HBP1: variants seen among roughly 807,000 people sequenced by gnomAD.
The protein encoded by HBP1 is HMG box-containing protein 1.
In HBP1, 20 loss-of-function variants were observed where a neutral mutation model predicts 62.6. That is an observed-to-expected ratio of 0.32 (90% CI 0.22 to 0.46). HBP1 has a LOEUF of 0.46. Ranked by LOEUF, HBP1 falls within the 20% of genes least tolerant of loss-of-function variation. The pLI is 1.00. For missense variants in HBP1, 480 were observed against 611.8 expected (o/e 0.78, Z 2.27); for synonymous variants, 232 against 206.2 (o/e 1.12, Z -1.07).
At chr7:107,171,862 A>G (rs1796616548) in intron 1 of HBP1, among the ~76,000 whole-genome samples, 1 of 148,022 alleles carries the variant, frequency 6.8e-6, no homozygotes, top group Admixed American at 6.8e-5. Context: ...TTCCTCTCCA[A>G]AAAAAAAAAA....
intron 8 of HBP1, among the ~76,000 whole-genome samples, chr7:107,193,671 A>G (rs1797757079): frequency 6.6e-6 from 1 of 152,184 alleles, no homozygotes; most frequent in Non-Finnish European, 1.5e-5. Context: ...TGAGTTAAGA[A>G]TGGCCATACC....
chr7:107,185,563 G>A (rs747918149), intron 3 of HBP1, among the ~76,000 whole-genome samples: 6 of 152,154 alleles, frequency 3.9e-5, no homozygotes, highest in Non-Finnish European at 7.4e-5. Context: ...AACCATAGTC[G>A]TAGTTTAAAA....
rs770429423 is a variant in HBP1 at position 107,180,031 on chromosome 7, A to C, written c.138A>C (p.Gly46=). 1.9e-6 allele frequency: 3 copies of C among 1,601,190 alleles called. No homozygotes were observed. Among genetic ancestry groups the C allele is most frequent in the African/African-American group, 2.7e-5 (2 of 74,748 alleles). ...QCNENLPSSP[G]YNSCDEHMEL... ...ATGAGAATTTGCCATCTTCACCTGGATATAACTCCTGTGATGAACACATGG... is the reference window on the plus strand; with the variant it reads ...ATGAGAATTTGCCATCTTCACCTGGCTATAACTCCTGTGATGAACACATGG... Residue 46 remains glycine (G), a synonymous_variant, in exon 2 of 11, where the codon GGA becomes GGC. Transcript: ENST00000222574.
chr7:107,182,408 C>G lies in HBP1; in HGVS notation c.205C>G (p.Pro69Ala). 1.2e-6 allele frequency: 2 copies of G among 1,612,898 alleles called. No homozygotes were observed. Among genetic ancestry groups the G allele is most frequent in the South Asian group, 2.2e-5 (2 of 91,050 alleles). The change falls in exon 3 of 11, where the codon CCT becomes GCT. Residue 69 changes from proline (P) to alanine (A), a missense_variant. This residue lies in a region of HBP1 where 304 missense variants were observed against 330.9 expected (regional missense o/e 0.92). Coordinates refer to ENST00000222574, the MANE Select transcript of HBP1 (RefSeq NM_012257.4). ...LPELQAVQSD[P>A]TQSGMYQLSS... ...TGAACTTCAGGCAGTTCAAAGTGAT[C>G]CTACCCAATCTGGCATGTACCAGCT...
intron 9 of HBP1, among the ~76,000 whole-genome samples, chr7:107,198,251 C>T (rs1175414624): frequency 6.6e-6 from 1 of 151,866 alleles, no homozygotes; most frequent in Non-Finnish European, 1.5e-5. Context: ...CTCTGTCACG[C>T]AGGCTGTAGT....
At chr7:107,195,787 G>T (rs1277662676) in intron 8 of HBP1, 47 bp from the exon 9 acceptor site, 65 of 794,468 alleles carry the variant, frequency 8.2e-5, no homozygotes, top group Non-Finnish European at 1.1e-4. Context: ...AGAAATCAGA[G>T]AATTCAAAAT....
chr7:107,190,977 G>C (rs1562896662), intron 8 of HBP1, among the ~76,000 whole-genome samples: 1 of 152,136 alleles, frequency 6.6e-6, no homozygotes, highest in Non-Finnish European at 1.5e-5. Flanking sequence ...AAACCCCTCA[G>C]TCCTAGACAA....
At chr7:107,192,379 A>G (rs1365408704) in intron 8 of HBP1, among the ~76,000 whole-genome samples, 1 of 152,072 alleles carries the variant, frequency 6.6e-6, no homozygotes, top group Non-Finnish European at 1.5e-5. Flanking sequence ...ACTGTATCTT[A>G]TATATTAAGA....
intron 9 of HBP1, 75 bp downstream of exon 9, chr7:107,196,226 A>G (rs574141676): frequency 1.1e-6 from 1 of 885,576 alleles, no homozygotes; most frequent in South Asian, 1.4e-5. Flanking sequence ...GGAATAGTTA[A>G]GTAAACTTAT....
At chr7:107,179,511 C>T (rs1797009267) in intron 1 of HBP1, 1 of 158,620 alleles carries the variant, frequency 6.3e-6, no homozygotes, top group Non-Finnish European at 1.4e-5. Context: ...GTGGCTCACG[C>T]CTGTAATCCC....
At chr7:107,195,666 T>C (rs1193350285) in intron 8 of HBP1, among the ~76,000 whole-genome samples, 168 bp from the exon 9 acceptor site, 1 of 152,040 alleles carries the variant, frequency 6.6e-6, no homozygotes, top group Non-Finnish European at 1.5e-5. Context: ...TTTCATTTTA[T>C]AAGCAACTAT....
intron 7 of HBP1, 63 bp from the exon 8 acceptor site, chr7:107,190,110 C>T: frequency 8.3e-7 from 1 of 1,198,576 alleles, no homozygotes; most frequent in South Asian, 1.7e-5. Context: ...AATGATATGT[C>T]TGTTCTAAAG....
At chr7:107,175,248 C>T (rs1796777826) in intron 1 of HBP1, among the ~76,000 whole-genome samples, 2 of 151,826 alleles carry the variant, frequency 1.3e-5, no homozygotes, top group Admixed American at 6.6e-5. Context: ...CTGATAATTG[C>T]TAATCATAAC....
intron 8 of HBP1, among the ~76,000 whole-genome samples, chr7:107,194,565 C>A (rs74821215): frequency 0.02 from 3,007 of 152,316 alleles, 106 homozygotes; most frequent in African/African-American, 0.067. Flanking sequence ...TGGTAGAAGT[C>A]ATTTACTGTG....
intron 1 of HBP1, among the ~76,000 whole-genome samples, chr7:107,171,063 A>ATTTTTTTTTTTTTTTTTT (rs1184704903): frequency 1.5e-5 from 1 of 65,960 alleles, no homozygotes; most frequent in Non-Finnish European, 2.4e-5. Context: ...ATATATATAT[A>ATTTTTTTTTTTTTTTTTT]TATATATATA....
In HBP1 at chr7:107,169,199, C is replaced by T; in HGVS notation, c.-16+14C>T. The T allele has an allele frequency of 1.4e-6, 1 of 725,492 alleles. No individual in the cohort carries two copies. The highest frequency in any genetic ancestry group is 1.6e-6 in the Non-Finnish European group (1 of 612,346). 44.9% of individuals were successfully genotyped at this position (725,492 alleles called of 1,614,324 possible). A position where few individuals can be genotyped will look rare whatever the true frequency, so the allele number is the denominator to read the frequency against. On this transcript the variant is annotated intron_variant, in intron 1 of 10. Coordinates refer to ENST00000222574, the MANE Select transcript of HBP1 (RefSeq NM_012257.4). The stretch of plus-strand genomic sequence containing the variant: ...ACTTCGCGGCAGGTTTGTTGTCTTT[C>T]AGTTAGGGAAGAGGTGGGGGTGGGG...
In HBP1 at chr7:107,171,073, A is replaced by ATATTTTTT; in HGVS notation, c.-16+1889_-16+1890insATTTTTTT. Among the ~76,000 whole-genome samples the ATATTTTTT allele has an allele frequency of 9.2e-4, 80 of 87,200 alleles. 9 individuals carry two copies. Among genetic ancestry groups the ATATTTTTT allele is most frequent in the African/African-American group, 4.0e-3 (60 of 15,124 alleles). 57.2% of individuals were successfully genotyped at this position (87,200 alleles called of 152,430 possible). A position where few individuals can be genotyped will look rare whatever the true frequency, so the allele number is the denominator to read the frequency against. On this transcript the variant is annotated intron_variant, in intron 1 of 10. Coordinates refer to ENST00000222574, the MANE Select transcript of HBP1 (RefSeq NM_012257.4). ...TATATATATATATATATATATATAT[A>ATATTTTTT]TTTTTTTTTTTTTTTGAGAGGGAGT...
At position 107,171,069 on chromosome 7, in the gene HBP1, A is replaced by ATTTTTTTTTTTTTT. The variant is rs1292839546; in HGVS notation, c.-16+1885_-16+1886insTTTTTTTTTTTTTT. Among the ~76,000 whole-genome samples the ATTTTTTTTTTTTTT allele has an allele frequency of 6.9e-5, 5 of 72,378 alleles. 1 individual carries two copies. Among genetic ancestry groups the ATTTTTTTTTTTTTT allele is most frequent in the Admixed American group, 4.8e-4 (3 of 6,216 alleles). The allele number at this position is 72,378 out of a possible 152,430, so 47.5% of individuals were successfully genotyped here. ...TAAATATATATATATATATATATATATATATTTTTTTTTTTTTTTGAGAGG... is the reference window on the plus strand; with the variant it reads ...TAAATATATATATATATATATATATATTTTTTTTTTTTTTTATATTTTTTTTTTTTTTTGAGAGG... On this transcript the variant is annotated intron_variant, in intron 1 of 10. Coordinates refer to ENST00000222574, the MANE Select transcript of HBP1 (RefSeq NM_012257.4).
chr7:107,176,303 C>T (rs1052920580), intron 1 of HBP1, among the ~76,000 whole-genome samples: 6 of 152,122 alleles, frequency 3.9e-5, no homozygotes, highest in African/African-American at 1.2e-4. Flanking sequence ...GGATTACAGG[C>T]GTGAACCACT....
Sources: gnomAD v4.1 joint callset for allele counts (sites outside exome capture counted in the v4.1 genomes callset) on GRCh38, gnomAD v4.1.1 for gene constraint, gnomAD v4.1.1 regional missense constraint, MANE v1.5 for transcripts, NCBI Gene and HGNC (gene_info 2026-07-23, HGNC 2026-07-21) for gene names.